The following JAZF1 variants were observed in gnomAD, a reference collection of about 807,000 sequenced individuals.
JAZF1 encodes the protein juxtaposed with another zinc finger protein 1.
A neutral mutation model predicts 26.4 loss-of-function variants in JAZF1; 8 were observed. The ratio of observed to expected loss-of-function variants is 0.30; its 90% CI spans 0.18 to 0.55. JAZF1 has a LOEUF of 0.55. JAZF1 is among the 20% of genes least tolerant of loss of function. The pLI is 0.94. For missense variants in JAZF1, 199 were observed against 322.0 expected, an observed-to-expected ratio of 0.62 and a Z score of 2.92; for synonymous variants, 126 against 122.3, an observed-to-expected ratio of 1.03 and a Z score of -0.20.
At chr7:27,841,124 C>T (rs992320814) in intron 3 of JAZF1, 3 of 408,280 alleles carry the variant, frequency 7.3e-6, no homozygotes, top group African/African-American at 4.0e-5. Context: ...GGAGCAAGAA[C>T]ATTAACTCGG....
intron 2 of JAZF1, among the ~76,000 whole-genome samples, chr7:27,945,250 G>GTGT (rs1273876415): frequency 1.3e-5 from 2 of 152,112 alleles, no homozygotes; most frequent in Admixed American, 6.6e-5. Context: ...TTGAGTGTGG[G>GTGT]TGTTGGCTTT....
intron 1 of JAZF1, among the ~76,000 whole-genome samples, chr7:28,177,247 C>G (rs1288600026): frequency 6.6e-6 from 1 of 152,054 alleles, no homozygotes; most frequent in Admixed American, 6.6e-5. Context: ...CAGCACTCTT[C>G]CAGGAGAGAA....
chr7:27,999,035 T>TG (rs1379763747), intron 1 of JAZF1, among the ~76,000 whole-genome samples: 8 of 152,214 alleles, frequency 5.3e-5, no homozygotes, highest in African/African-American at 1.9e-4. Flanking sequence ...TCAGTGGTGA[T>TG]GGGGTGTGCT....
At chr7:28,045,500 T>C (rs958182662) in intron 1 of JAZF1, among the ~76,000 whole-genome samples, 2 of 152,094 alleles carry the variant, frequency 1.3e-5, no homozygotes, top group Non-Finnish European at 2.9e-5. Context: ...CATCTATTGG[T>C]TTAGTGGGCT....
At chr7:28,168,884 C>T (rs1291636375) in intron 1 of JAZF1, among the ~76,000 whole-genome samples, 1 of 152,212 alleles carries the variant, frequency 6.6e-6, no homozygotes, top group East Asian at 1.9e-4. Context: ...ACCTTGGCAA[C>T]ACATTAGAAT....
At chr7:28,115,531 C>A (rs1784728161) in intron 1 of JAZF1, among the ~76,000 whole-genome samples, 2 of 152,182 alleles carry the variant, frequency 1.3e-5, no homozygotes, top group Admixed American at 6.5e-5. Context: ...CTGTAGTCAA[C>A]AGTACCAACA....
chr7:27,960,841 C>G (rs1785174132), intron 2 of JAZF1, among the ~76,000 whole-genome samples: 1 of 152,074 alleles, frequency 6.6e-6, no homozygotes, highest in African/African-American at 2.4e-5. Flanking sequence ...GAAGGAATGG[C>G]AAGGGAAGCA....
intron 1 of JAZF1, among the ~76,000 whole-genome samples, chr7:28,133,393 T>G (rs1209520032): frequency 2.0e-5 from 3 of 152,180 alleles, no homozygotes; most frequent in African/African-American, 4.8e-5. Context: ...CCAAGAATCA[T>G]AAGCCTATCA....
chr7:27,952,839 C>T (rs1257306125), intron 2 of JAZF1, among the ~76,000 whole-genome samples: 1 of 152,210 alleles, frequency 6.6e-6, no homozygotes, highest in African/African-American at 2.4e-5. Context: ...CTTATGAGTG[C>T]AAGCACGGAG....
chr7:27,944,751 G>A lies in JAZF1; in HGVS notation c.188+47158C>T, dbSNP rs187053022. ...GCCTGAAGCTGTTTCCACTAGCAAC[G>A]ATCTTCCTAAAAACACATGTCAGCA... On this transcript the variant is annotated intron_variant, in intron 2 of 4. Coordinates refer to ENST00000283928, the MANE Select transcript of JAZF1 (RefSeq NM_175061.4). Among the ~76,000 whole-genome samples, 20 of 152,136 alleles carry A rather than the reference G, an allele frequency of 1.3e-4. No homozygotes were observed. The East Asian group carries it at 3.1e-3, about 24-fold the overall frequency.
At chr7:28,150,588 G>A (rs1464007332) in intron 1 of JAZF1, among the ~76,000 whole-genome samples, 3 of 152,158 alleles carry the variant, frequency 2.0e-5, no homozygotes, top group Non-Finnish European at 4.4e-5. Flanking sequence ...CACTGTCATG[G>A]GGCCAGCCCT....
In JAZF1 at chr7:27,845,711, A is replaced by AAAAAAAAAAAAAG. The variant is rs1554328474; in HGVS notation, c.386-4845_386-4844insCTTTTTTTTTTTT. Among the ~76,000 whole-genome samples, 138 of 137,616 alleles carry AAAAAAAAAAAAAG rather than the reference A, an allele frequency of 1.0e-3. 3 individuals are homozygous for AAAAAAAAAAAAAG. The highest frequency in any genetic ancestry group is 2.0e-3 in the African/African-American group (71 of 35,378). 90.3% of individuals were successfully genotyped at this position (137,616 alleles called of 152,430 possible). ...GACTCTGCCTCAAAAAAAAAAAAAA[A>AAAAAAAAAAAAAG]AAAGAAAAGAAAAAGAAAAAGAAAT... is the stretch of plus-strand genomic sequence containing the variant. On this transcript the variant is annotated intron_variant, in intron 3 of 4. Coordinates refer to ENST00000283928, the MANE Select transcript of JAZF1 (RefSeq NM_175061.4).
chr7:28,138,440 T>A (rs1562599926), intron 1 of JAZF1, among the ~76,000 whole-genome samples: 1 of 152,240 alleles, frequency 6.6e-6, no homozygotes, highest in East Asian at 1.9e-4. Context: ...GCTATGACTA[T>A]TTCAACAGTA....
intron 1 of JAZF1, among the ~76,000 whole-genome samples, chr7:28,001,475 ACT>A (rs988072741): frequency 5.3e-5 from 8 of 152,374 alleles, no homozygotes; most frequent in East Asian, 1.9e-4. Context: ...ACAAAACATG[ACT>A]CTCTGTGCAA....
At chr7:27,964,175 T>A in intron 2 of JAZF1, among the ~76,000 whole-genome samples, 1 of 152,138 alleles carries the variant, frequency 6.6e-6, no homozygotes, top group East Asian at 1.9e-4. Flanking sequence ...CACTGGTAAA[T>A]AGCATTGTAA....
chr7:27,946,583 T>C (rs1784927633), intron 2 of JAZF1, among the ~76,000 whole-genome samples: 1 of 152,162 alleles, frequency 6.6e-6, no homozygotes, highest in Non-Finnish European at 1.5e-5. Flanking sequence ...CAAAAATAGA[T>C]TTCTGGGCTG....
At chr7:28,143,280 C>T (rs780613034) in intron 1 of JAZF1, among the ~76,000 whole-genome samples, 19 of 152,192 alleles carry the variant, frequency 1.2e-4, no homozygotes, top group Admixed American at 6.5e-5. Flanking sequence ...AGAACTCATC[C>T]ATGTCCTTCA....
In JAZF1 at chr7:28,157,011, G is replaced by A. The variant is rs933834027; in HGVS notation, c.115+23452C>T. ...TTCAATATCCATTAAGATGACCTTC[G>A]ATATCCTTCAACCAACCACAGTGGA... On this transcript the variant is annotated intron_variant, in intron 1 of 4. Transcript: ENST00000283928. 5.9e-5 allele frequency among the ~76,000 whole-genome samples: 9 copies of A among 152,238 alleles called. 1 individual carries two copies. The highest frequency in any genetic ancestry group is 2.2e-4 in the African/African-American group (9 of 41,538).
intron 2 of JAZF1, among the ~76,000 whole-genome samples, chr7:27,988,614 T>C (rs1276873487): frequency 2.0e-5 from 3 of 152,162 alleles, no homozygotes; most frequent in Non-Finnish European, 4.4e-5. Context: ...GAGTGACATT[T>C]GAGTGGCTAT....
Sources: gnomAD v4.1 joint callset for allele counts (sites outside exome capture counted in the v4.1 genomes callset) on GRCh38, gnomAD v4.1.1 for gene constraint, MANE v1.5 for transcripts, NCBI Gene and HGNC (gene_info 2026-07-23, HGNC 2026-07-21) for gene names.